Variants in SNX13 observed in about 807,000 individuals in gnomAD.
SNX13 encodes sorting nexin 13, also known as sorting nexin-13.
A neutral mutation model predicts 133.6 loss-of-function variants in SNX13; 45 were observed. The ratio of observed to expected loss-of-function variants is 0.34; its 90% CI spans 0.27 to 0.43. The LOEUF is 0.43. SNX13 is among the 20% of genes least tolerant of loss of function. The pLI is 1.00. For synonymous variants in SNX13, 414 were observed against 373.9 expected, an observed-to-expected ratio of 1.11 and a Z score of -1.24; for missense variants, 1,032 against 1,145.1, an observed-to-expected ratio of 0.90 and a Z score of 1.43.
At chr7:17,834,235 T>C in intron 14 of SNX13, 51 bp from the exon 15 acceptor site, 2 of 1,439,946 alleles carry the variant, frequency 1.4e-6, no homozygotes, top group Non-Finnish European at 9.3e-7. Context: ...TGTGTGGTGA[T>C]TTTTACAAAA....
intron 1 of SNX13, among the ~76,000 whole-genome samples, chr7:17,925,823 A>C (rs1245555308): frequency 6.6e-6 from 1 of 152,160 alleles, no homozygotes; most frequent in Admixed American, 6.5e-5. Context: ...AAGGAGAAAA[A>C]GAGGAGAAAG....
intron 7 of SNX13, among the ~76,000 whole-genome samples, chr7:17,874,273 T>G (rs923104223): frequency 6.6e-6 from 1 of 152,126 alleles, no homozygotes; most frequent in Non-Finnish European, 1.5e-5. Context: ...ATGAACCGCA[T>G]AGCCTAGAAA....
At chr7:17,877,760 C>A (rs1448060923) in intron 5 of SNX13, among the ~76,000 whole-genome samples, 4 of 151,832 alleles carry the variant, frequency 2.6e-5, no homozygotes, top group Non-Finnish European at 5.9e-5. Context: ...ATTTGATGTA[C>A]AGATTTCTAT....
chr7:17,816,266 C>A lies in SNX13; in HGVS notation c.1869G>T (p.Leu623Phe). The A allele has an allele frequency of 6.5e-7, 1 of 1,543,110 alleles. No individual in the cohort carries two copies. The highest frequency in any genetic ancestry group is 1.2e-5 in the South Asian group (1 of 83,294). The change falls in exon 19 of 26, where the codon TTG (leucine) becomes TTT (phenylalanine). Residue 623 changes from leucine to phenylalanine, a missense_variant. Physicochemically the swap from Leu to Phe is conservative, Grantham distance 22. Coordinates refer to ENST00000428135, the MANE Select transcript of SNX13 (RefSeq NM_015132.5). ...TAAAAGTCTTTTTTCCAGGAAGTTT[C>A]AATATGCTTGAGAGACTTTCAAACT... ...TEQFESLSSI[L>F]KLPGKKTFNN...
chr7:17,916,218 G>A lies in SNX13; in HGVS notation c.13-18772C>T, dbSNP rs544751006. On this transcript the variant is annotated intron_variant, in intron 1 of 25. Transcript: ENST00000428135. ...GACGTCCAATTAACAACCTCACCTC[G>A]CACCTAAAAAAACTAGAAAAACAAA... Among the ~76,000 whole-genome samples the A allele has an allele frequency of 4.4e-4, 67 of 151,832 alleles. No individual in the cohort carries two copies. In the South Asian group the frequency reaches 9.2e-3, roughly 21 times the overall value.
At chr7:17,898,610 T>C (rs1038968085) in intron 1 of SNX13, among the ~76,000 whole-genome samples, 2 of 152,164 alleles carry the variant, frequency 1.3e-5, no homozygotes, top group African/African-American at 4.8e-5. Context: ...TAAGTTTACA[T>C]TCCAGAAGTG....
chr7:17,797,826 C>T (rs778415739), intron 24 of SNX13, among the ~76,000 whole-genome samples: 1 of 151,822 alleles, frequency 6.6e-6, no homozygotes, highest in African/African-American at 2.4e-5. Flanking sequence ...CAGTATGGTA[C>T]AGTGGGAAGA....
chr7:17,853,690 T>A (rs946331830), intron 9 of SNX13, among the ~76,000 whole-genome samples: 1 of 152,222 alleles, frequency 6.6e-6, no homozygotes, highest in African/African-American at 2.4e-5. Flanking sequence ...ACGCCTGTAA[T>A]CCCAACACTT....
At chr7:17,821,813 G>C (rs1787325168) in intron 17 of SNX13, 165 bp from the exon 18 acceptor site, 15 of 709,836 alleles carry the variant, frequency 2.1e-5, no homozygotes, top group Non-Finnish European at 3.3e-5. Flanking sequence ...GTCAGCAAAG[G>C]ATAGATTCCC....
chr7:17,908,966 A>G (rs1231008920), intron 1 of SNX13, among the ~76,000 whole-genome samples: 1 of 152,148 alleles, frequency 6.6e-6, no homozygotes, highest in Non-Finnish European at 1.5e-5. Context: ...GAAGAACAGA[A>G]TAACTGATAA....
chr7:17,871,310 A>G (rs992074142), intron 8 of SNX13, among the ~76,000 whole-genome samples: 1 of 152,106 alleles, frequency 6.6e-6, no homozygotes, highest in South Asian at 2.1e-4. Flanking sequence ...TGGCCAAGGA[A>G]TCATTCTTAA....
rs768402676 is a variant in SNX13, at chr7:17,834,040, G to A, written c.1597+12C>T. On this transcript the variant is annotated intron_variant, in intron 15 of 25. Coordinates refer to ENST00000428135, the MANE Select transcript of SNX13 (RefSeq NM_015132.5). ...TATATGCATATTATGTGTAAAATGG[G>A]TGCCACCTTACCTCCATCCCCATCA... is the stretch of plus-strand genomic sequence containing the variant. 3 of 1,509,298 alleles carry A rather than the reference G, an allele frequency of 2.0e-6. No homozygotes were observed. The highest frequency in any genetic ancestry group is 3.5e-4 in the Middle Eastern group (2 of 5,674). 93.5% of individuals were successfully genotyped at this position (1,509,298 alleles called of 1,614,324 possible). A position where few individuals can be genotyped will look rare whatever the true frequency, so the allele number is the denominator to read the frequency against.
At chr7:17,871,055 G>T (rs533175026) in intron 8 of SNX13, among the ~76,000 whole-genome samples, 1 of 151,856 alleles carries the variant, frequency 6.6e-6, no homozygotes, top group East Asian at 1.9e-4. Context: ...GCCCAGGCTG[G>T]AGTGCAGTGG....
chr7:17,855,157 G>A (rs757191235), intron 9 of SNX13, among the ~76,000 whole-genome samples: 50 of 152,236 alleles, frequency 3.3e-4, no homozygotes, highest in African/African-American at 1.1e-3. Flanking sequence ...AGCAAGGCCC[G>A]GACTAGCTTC....
At chr7:17,834,000 GAATA>G in intron 15 of SNX13, 48 bp downstream of exon 15, 1 of 1,295,706 alleles carries the variant, frequency 7.7e-7, no homozygotes, top group Non-Finnish European at 1.0e-6. Flanking sequence ...TTGGTAAGCA[GAATA>G]TATATAAATA....
At chr7:17,877,396 A>G (rs1422367731) in intron 5 of SNX13, among the ~76,000 whole-genome samples, 3 of 152,104 alleles carry the variant, frequency 2.0e-5, no homozygotes, top group Non-Finnish European at 4.4e-5. Flanking sequence ...AAAATAAATC[A>G]CAATCTGTGT....
chr7:17,796,220 G>A (rs1336178779), intron 25 of SNX13: 1 of 151,774 alleles, frequency 6.6e-6, no homozygotes, highest in Non-Finnish European at 1.5e-5. Flanking sequence ...CTAAGGTAGT[G>A]AGATAGCTAT....
intron 1 of SNX13, among the ~76,000 whole-genome samples, chr7:17,933,864 A>G (rs988746820): frequency 2.0e-5 from 3 of 152,060 alleles, no homozygotes; most frequent in Non-Finnish European, 4.4e-5. Context: ...ACAAAGTTAT[A>G]CCCTCCATCA....
intron 1 of SNX13, among the ~76,000 whole-genome samples, chr7:17,902,350 G>T (rs1380342409): frequency 6.7e-6 from 1 of 148,158 alleles, no homozygotes; most frequent in East Asian, 2.0e-4. Flanking sequence ...TTCTAATCAA[G>T]CAAGTGCAGT....
Sources: gnomAD v4.1 joint callset for allele counts (sites outside exome capture counted in the v4.1 genomes callset) on GRCh38, gnomAD v4.1.1 for gene constraint, MANE v1.5 for transcripts, NCBI Gene and HGNC (gene_info 2026-07-23, HGNC 2026-07-21) for gene names.